Variants in TNRC6C observed in about 807,000 individuals in gnomAD.
The protein encoded by TNRC6C is trinucleotide repeat-containing gene 6C protein.
Under a neutral mutation model 153.7 loss-of-function variants are expected in TNRC6C, and 20 were observed. That is an observed-to-expected ratio of 0.13 (90% confidence interval 0.09 to 0.19). The LOEUF (loss-of-function observed/expected upper bound fraction) is 0.19, where lower values mean the gene tolerates loss of function less well. Among genes scored for constraint, TNRC6C ranks in the 10% least tolerant of loss-of-function variants. TNRC6C has a pLI of 1.00. For missense variants in TNRC6C, 1,987 were observed against 2,172.0 expected (o/e 0.91, Z 1.69); for synonymous variants, 811 against 841.4 (o/e 0.96, Z 0.63).
intron 3 of TNRC6C, among the ~76,000 whole-genome samples, chr17:78,058,977 T>A (rs1287953234): frequency 6.6e-6 from 1 of 152,210 alleles, no homozygotes; most frequent in East Asian, 1.9e-4. Context: ...TTCACTAAAC[T>A]AAAACTTGGA....
At chr17:77,979,354 A>G (rs1258598180) in intron 1 of TNRC6C, among the ~76,000 whole-genome samples, 4 of 152,262 alleles carry the variant, frequency 2.6e-5, no homozygotes, top group African/African-American at 9.6e-5. Flanking sequence ...GTACTAAATT[A>G]TCACATGAAT....
chr17:78,026,225 A>G (rs2071939721), intron 1 of TNRC6C, among the ~76,000 whole-genome samples: 1 of 152,248 alleles, frequency 6.6e-6, no homozygotes, highest in African/African-American at 2.4e-5. Flanking sequence ...CTATGCTGCC[A>G]TAATTTACAG....
intron 1 of TNRC6C, among the ~76,000 whole-genome samples, chr17:78,027,904 T>G (rs1243777469): frequency 1.6e-4 from 18 of 113,082 alleles, no homozygotes; most frequent in East Asian, 6.5e-4. Context: ...AACTTGGAGG[T>G]TTTTTTTTTT....
At chr17:78,043,750 A>G (rs967681402) in intron 2 of TNRC6C, among the ~76,000 whole-genome samples, 4 of 151,630 alleles carry the variant, frequency 2.6e-5, no homozygotes, top group East Asian at 3.9e-4. Flanking sequence ...TACCCTTCCT[A>G]GCCTCTATCT....
At chr17:78,063,337 A>G (rs1279291272) in intron 3 of TNRC6C, among the ~76,000 whole-genome samples, 1 of 151,446 alleles carries the variant, frequency 6.6e-6, no homozygotes, top group Non-Finnish European at 1.5e-5. Flanking sequence ...GTGGAATTGG[A>G]TCATCATAAA....
At chr17:78,041,921 T>C (rs2072304685) in intron 2 of TNRC6C, among the ~76,000 whole-genome samples, 1 of 152,244 alleles carries the variant, frequency 6.6e-6, no homozygotes, top group South Asian at 2.1e-4. Context: ...CAGTACAGCA[T>C]TCTGCACACC....
intron 1 of TNRC6C, chr17:78,008,778 T>C: frequency 6.6e-6 from 1 of 152,160 alleles, no homozygotes; most frequent in Non-Finnish European, 1.5e-5. Context: ...TAATTTGAGA[T>C]TATCTAAAGA....
chr17:78,030,780 C>T (rs1390861275), intron 1 of TNRC6C, among the ~76,000 whole-genome samples: 1 of 152,114 alleles, frequency 6.6e-6, no homozygotes, highest in Non-Finnish European at 1.5e-5. Context: ...CCAGCAGCAT[C>T]AACATTGTCC....
intron 3 of TNRC6C, 73 bp from the exon 6 acceptor site, chr17:78,064,648 GA>G: frequency 1.4e-6 from 2 of 1,421,108 alleles, no homozygotes; most frequent in Non-Finnish European, 9.8e-7. Context: ...TTTTGAAATT[GA>G]AAACTGAATT....
chr17:78,025,200 C>T (rs954044316), intron 1 of TNRC6C, among the ~76,000 whole-genome samples: 3 of 152,136 alleles, frequency 2.0e-5, no homozygotes, highest in African/African-American at 7.2e-5. Context: ...ATAGCAGTTT[C>T]CCTGCCCTAA....
exon 20 of TNRC6C, chr17:78,108,300 C>G (rs976132450): frequency 2.8e-4 from 44 of 154,462 alleles, no homozygotes; most frequent in African/African-American, 1.0e-3. Context: ...TCTGACCATA[C>G]TCTTTTGGAA....
intron 1 of TNRC6C, among the ~76,000 whole-genome samples, chr17:77,989,447 G>A (rs770867826): frequency 5.3e-5 from 8 of 152,178 alleles, no homozygotes; most frequent in Non-Finnish European, 1.0e-4. Flanking sequence ...TACATTCAGG[G>A]AAGGTTGTAC....
chr17:78,030,856 T>C (rs1029026238), intron 1 of TNRC6C, among the ~76,000 whole-genome samples: 3 of 152,058 alleles, frequency 2.0e-5, no homozygotes, highest in East Asian at 1.9e-4. Context: ...CCCAGCACTT[T>C]AGGAGGCTGA....
chr17:78,099,261 T>C (rs1213155482), intron 17 of TNRC6C, among the ~76,000 whole-genome samples: 1 of 152,232 alleles, frequency 6.6e-6, no homozygotes, highest in Non-Finnish European at 1.5e-5. Flanking sequence ...TGAGCTATGC[T>C]TGAGCCACTG....
chr17:77,987,978 C>A (rs1016801180), intron 1 of TNRC6C, among the ~76,000 whole-genome samples: 2 of 152,090 alleles, frequency 1.3e-5, no homozygotes, highest in African/African-American at 4.8e-5. Context: ...CCGTGCCCGG[C>A]CTGAAGTAAG....
intron 1 of TNRC6C, among the ~76,000 whole-genome samples, chr17:77,974,202 A>G (rs1233686660): frequency 6.6e-6 from 1 of 152,162 alleles, no homozygotes; most frequent in Non-Finnish European, 1.5e-5. Flanking sequence ...AGCTCTCGTA[A>G]CTTAATAATA....
At chr17:78,020,722 A>T (rs116974863) in intron 1 of TNRC6C, among the ~76,000 whole-genome samples, 1 of 152,242 alleles carries the variant, frequency 6.6e-6, no homozygotes, top group African/African-American at 2.4e-5. Flanking sequence ...CGCCATTTCA[A>T]TGTGAAAGCA....
At chr17:78,056,867 T>C (rs1567942709) in intron 3 of TNRC6C, among the ~76,000 whole-genome samples, 1 of 151,858 alleles carries the variant, frequency 6.6e-6, no homozygotes, top group Non-Finnish European at 1.5e-5. Context: ...TTCTCTTTTA[T>C]ATGAAAAATA....
chr17:77,964,646 G>A (rs2070884055), intron 1 of TNRC6C, among the ~76,000 whole-genome samples: 2 of 152,158 alleles, frequency 1.3e-5, no homozygotes, highest in African/African-American at 2.4e-5. Flanking sequence ...AATAGCAACT[G>A]GGAATTAAAC....
Sources: allele counts gnomAD v4.1 joint callset (sites outside exome capture counted in the v4.1 genomes callset), GRCh38; gene constraint gnomAD v4.1.1; transcripts MANE v1.5; gene names NCBI Gene and HGNC (gene_info 2026-07-23, HGNC 2026-07-21).